Variants in CNTNAP5 observed in about 807,000 individuals in gnomAD.
CNTNAP5 encodes the protein contactin associated protein family member 5, also known as contactin-associated protein-like 5.
CNTNAP5 carries 72 observed loss-of-function variants against 150.2 expected under a neutral mutation model. That is an observed-to-expected ratio of 0.48 (90% confidence interval 0.40 to 0.58). CNTNAP5 has a LOEUF of 0.58. CNTNAP5 is among the 20% of genes least tolerant of loss of function. The pLI is 0.00. For synonymous variants in CNTNAP5, 672 were observed against 619.8 expected (o/e 1.08, Z -1.25); for missense variants, 1,636 against 1,626.2 (o/e 1.01, Z -0.10).
intron 1 of CNTNAP5, among the ~76,000 whole-genome samples, chr2:124,035,672 A>G (rs996020729): frequency 2.0e-5 from 3 of 152,104 alleles, no homozygotes; most frequent in Non-Finnish European, 4.4e-5. Context: ...GCTCCATATT[A>G]TATCCATGTT....
chr2:124,872,546 C>T (rs1677774225), intron 21 of CNTNAP5, among the ~76,000 whole-genome samples: 1 of 151,418 alleles, frequency 6.6e-6, no homozygotes, highest in South Asian at 2.1e-4. Flanking sequence ...GAGGTACTAC[C>T]AATTTAGGAC....
chr2:124,484,061 C>T (rs1268249966), intron 7 of CNTNAP5, among the ~76,000 whole-genome samples: 3 of 152,240 alleles, frequency 2.0e-5, no homozygotes, highest in African/African-American at 4.8e-5. Flanking sequence ...GCCTGTGGAT[C>T]CCGACACTAC....
chr2:124,881,641 T>C (rs925942518), intron 21 of CNTNAP5, among the ~76,000 whole-genome samples: 6 of 152,034 alleles, frequency 3.9e-5, no homozygotes, highest in Admixed American at 2.6e-4. Flanking sequence ...GAGAGTCCAG[T>C]TGGGGGCCTT....
intron 8 of CNTNAP5, among the ~76,000 whole-genome samples, chr2:124,506,143 AATGTATATTCTGCTCTG>A: frequency 6.6e-6 from 1 of 150,522 alleles, no homozygotes; most frequent in South Asian, 2.1e-4. Context: ...GGTTGCCCTG[AATGTATATTCTGCTCTG>A]ATTAGCTGCA....
intron 3 of CNTNAP5, among the ~76,000 whole-genome samples, chr2:124,310,933 C>T (rs76966703): frequency 0.045 from 6,886 of 152,190 alleles, 227 homozygotes; most frequent in Non-Finnish European, 0.071. Flanking sequence ...TAATGCCAGT[C>T]CTCGACACTT....
In CNTNAP5 at chr2:124,915,762, G is replaced by A. The variant is rs114434588; in HGVS notation, c.*1474G>A. On this transcript the variant is annotated 3_prime_UTR_variant, in exon 24 of 24. Coordinates refer to ENST00000682447, the MANE Select transcript of CNTNAP5 (RefSeq NM_001367498.1). ...GAAGGCACCTTGAGCTCATCCATGG[G>A]GTGGCGGTAAAGATCTTAATGATTT... Among the ~76,000 whole-genome samples, 602 of 152,124 alleles carry A rather than the reference G, an allele frequency of 4.0e-3. 2 individuals are homozygous for A. The highest frequency in any genetic ancestry group is 6.7e-3 in the Non-Finnish European group (455 of 67,968).
intron 13 of CNTNAP5, among the ~76,000 whole-genome samples, chr2:124,671,895 C>T (rs990872252): frequency 2.0e-5 from 3 of 152,140 alleles, no homozygotes; most frequent in African/African-American, 7.2e-5. Flanking sequence ...CCGCTTTGGC[C>T]TCCCAAAGTG....
At chr2:124,286,500 G>C (rs1323218038) in intron 3 of CNTNAP5, among the ~76,000 whole-genome samples, 1 of 152,188 alleles carries the variant, frequency 6.6e-6, no homozygotes, top group Non-Finnish European at 1.5e-5. Flanking sequence ...TGTCAATGTG[G>C]ATATGCAGCA....
chr2:124,523,015 A>G (rs1694883332), intron 8 of CNTNAP5, among the ~76,000 whole-genome samples: 1 of 152,194 alleles, frequency 6.6e-6, no homozygotes, highest in Admixed American at 6.5e-5. Flanking sequence ...GCCTGAACTC[A>G]AAAGACGTTA....
At chr2:124,515,327 G>A (rs1694684339) in intron 8 of CNTNAP5, among the ~76,000 whole-genome samples, 1 of 152,136 alleles carries the variant, frequency 6.6e-6, no homozygotes, top group Admixed American at 6.5e-5. Context: ...CTGACCCCCA[G>A]GTACCTGTTA....
At chr2:124,123,067 C>T (rs956022935) in intron 1 of CNTNAP5, among the ~76,000 whole-genome samples, 13 of 151,890 alleles carry the variant, frequency 8.6e-5, no homozygotes, top group Admixed American at 2.0e-4. Context: ...TGGGGCTTGT[C>T]GGACACTGGG....
chr2:124,070,396 G>GAAAAA (rs70996039), intron 1 of CNTNAP5, among the ~76,000 whole-genome samples: 52 of 72,948 alleles, frequency 7.1e-4, no homozygotes, highest in East Asian at 2.2e-3. Flanking sequence ...GCTGAATGGG[G>GAAAAA]AAAAAAAAAA....
intron 19 of CNTNAP5, among the ~76,000 whole-genome samples, chr2:124,864,973 A>G (rs1677599651): frequency 6.6e-6 from 1 of 152,172 alleles, no homozygotes; most frequent in Admixed American, 6.6e-5. Flanking sequence ...GGAATTGAAG[A>G]GAAAGTAGAA....
At chr2:124,320,588 C>T (rs545359063) in intron 3 of CNTNAP5, among the ~76,000 whole-genome samples, 18 of 151,984 alleles carry the variant, frequency 1.2e-4, no homozygotes, top group Non-Finnish European at 2.1e-4. Context: ...TGTTGTAAAC[C>T]TTTAACCCCT....
At chr2:124,827,051 G>T (rs1014823121) in intron 19 of CNTNAP5, among the ~76,000 whole-genome samples, 6 of 151,900 alleles carry the variant, frequency 3.9e-5, no homozygotes, top group African/African-American at 1.2e-4. Flanking sequence ...CTCTTGAGTC[G>T]CTAGGGCCAC....
intron 1 of CNTNAP5, among the ~76,000 whole-genome samples, chr2:124,182,508 G>A (rs896426039): frequency 4.6e-5 from 7 of 152,222 alleles, no homozygotes; most frequent in Admixed American, 1.3e-4. Flanking sequence ...CGATCAAGAC[G>A]AGCATGTTGA....
At position 124,270,257 on chromosome 2, in the gene CNTNAP5, C is replaced by T. The variant is rs1459350004; in HGVS notation, c.381+27864C>T. On this transcript the variant is annotated intron_variant, in intron 3 of 23. Coordinates refer to ENST00000682447, the MANE Select transcript of CNTNAP5 (RefSeq NM_001367498.1). ...CTGGGAGACGGTGGTTGCAGGGAGCCGAGATTGCACCACTACACTCCAGCC... is the reference window on the plus strand; with the variant it reads ...CTGGGAGACGGTGGTTGCAGGGAGCTGAGATTGCACCACTACACTCCAGCC... Among the ~76,000 whole-genome samples the T allele has an allele frequency of 4.0e-5, 6 of 151,710 alleles. No individual in the cohort carries two copies. The South Asian group carries it at 8.4e-4, about 21-fold the overall frequency.
intron 11 of CNTNAP5, among the ~76,000 whole-genome samples, chr2:124,578,401 C>T (rs1209641331): frequency 1.3e-5 from 2 of 150,394 alleles, no homozygotes; most frequent in East Asian, 3.9e-4. Flanking sequence ...TGCAACAAAA[C>T]TTGGGGATTC....
chr2:124,386,356 T>C (rs1029721112), intron 3 of CNTNAP5, among the ~76,000 whole-genome samples: 2 of 152,216 alleles, frequency 1.3e-5, no homozygotes, highest in African/African-American at 4.8e-5. Flanking sequence ...CTCTACATTA[T>C]AAGTAACCTT....
Sources: gnomAD v4.1 joint callset for allele counts (sites outside exome capture counted in the v4.1 genomes callset) on GRCh38, gnomAD v4.1.1 for gene constraint, MANE v1.5 for transcripts, NCBI Gene and HGNC (gene_info 2026-07-23, HGNC 2026-07-21) for gene names.